The following IGSF8 variants were observed in gnomAD, a reference collection of about 807,000 sequenced individuals.
IGSF8 encodes the protein immunoglobulin superfamily member 8, also known as CD81 partner 3.
A neutral mutation model predicts 55.5 loss-of-function variants in IGSF8; 46 were observed. The observed-to-expected ratio is 0.83, with a 90% CI of 0.65 to 1.06. The LOEUF is 1.06. IGSF8 is among the 50% of genes least tolerant of loss of function. IGSF8 has a pLI of 0.00. For synonymous variants in IGSF8, 314 were observed against 356.1 expected, an observed-to-expected ratio of 0.88 and a Z score of 1.33; for missense variants, 731 against 832.3, an observed-to-expected ratio of 0.88 and a Z score of 1.50.
At chr1:160,095,954 G>C (rs531842403) in intron 1 of IGSF8, among the ~76,000 whole-genome samples, 18 of 152,196 alleles carry the variant, frequency 1.2e-4, no homozygotes, top group African/African-American at 4.3e-4. Context: ...CCAACCTTCC[G>C]GGCTAGCCCA....
intron 5 of IGSF8, 111 bp downstream of exon 5, chr1:160,092,171 T>C (rs1650006820): frequency 8.3e-7 from 1 of 1,205,510 alleles, no homozygotes; most frequent in Non-Finnish European, 1.2e-6. Context: ...TCATGTGACA[T>C]AATGTGGAGG....
At chr1:160,098,260 G>T in intron 1 of IGSF8, 149 bp downstream of exon 1, 1 of 1,208,482 alleles carries the variant, frequency 8.3e-7, no homozygotes, top group Non-Finnish European at 1.1e-6. Context: ...TCGGCGGACA[G>T]CCACAAAGCG....
Position 160,093,860 on chromosome 1 carries a change from G to A in IGSF8, c.754C>T (p.Arg252Trp), listed in dbSNP as rs761275618. The A allele has an allele frequency of 3.2e-5, 52 of 1,614,056 alleles. No homozygotes were observed. The highest frequency in any genetic ancestry group is 1.6e-4 in the Middle Eastern group (1 of 6,084). ...ELRLGKEGTD[R>W]YRMVVGGAQA... is the part of the protein sequence containing the mutation. The stretch of plus-strand genomic sequence containing the variant: ...GCACCCCCTACTACCATGCGGTACC[G>A]ATCGGTCCCTTCCTTGCCCAGACGA... Residue 252 changes from arginine to tryptophan, a missense_variant, in exon 3 of 7, where the codon CGG (arginine) becomes TGG (tryptophan). Coordinates refer to ENST00000314485, the MANE Select transcript of IGSF8 (RefSeq NM_052868.6).
rs780311723 is a variant in IGSF8 at position 160,093,198 on chromosome 1, C to T, written c.1038G>A (p.Glu346=). The T allele has an allele frequency of 3.1e-6, 5 of 1,613,952 alleles. No homozygotes were observed. The highest frequency in any genetic ancestry group is 3.4e-6 in the Non-Finnish European group (4 of 1,179,904). ...GRHAAYSVGW[E]MAPAGAPGPG... The stretch of plus-strand genomic sequence containing the variant: ...GCCCAGGTGCCCCCGCAGGTGCCAT[C>T]TCCCAACCTACAGAGTATGCAGCAT... Residue 346 remains glutamate, a synonymous_variant, in exon 4 of 7, where the codon GAG becomes GAA. Coordinates refer to ENST00000314485, the MANE Select transcript of IGSF8 (RefSeq NM_052868.6).
chr1:160,095,090 G>C lies in IGSF8; in HGVS notation c.221C>G (p.Thr74Ser). The change falls in exon 2 of 7, where the codon ACT becomes AGT. Residue 74 changes from threonine (T) to serine (S), a missense_variant. Transcript: ENST00000314485. ...CTTGGTACTGACAATGCCCAGTGCA[G>C]TATCTGGGGCCTCGGGCCTATACAG... Reference protein sequence around the residue: ...WFLYRPEAPDTALGIVSTKDT... With the variant: ...WFLYRPEAPDSALGIVSTKDT... The C allele has an allele frequency of 6.2e-7, 1 of 1,614,144 alleles. No individual in the cohort carries two copies. Among genetic ancestry groups the C allele is most frequent in the Non-Finnish European group, 8.5e-7 (1 of 1,180,014 alleles).
In IGSF8 at chr1:160,091,618, G is replaced by A; in HGVS notation, c.*16-10C>T. On this transcript the variant is annotated splice_polypyrimidine_tract_variant and intron_variant, in intron 6 of 6. Coordinates refer to ENST00000314485, the MANE Select transcript of IGSF8 (RefSeq NM_052868.6). Reference sequence around the variant, plus strand: ...TCGACACCTGCAAGACCTGAAAAGGGTGCCCGGTGTGGGCTAAGGACAGAG... The same window carrying A: ...TCGACACCTGCAAGACCTGAAAAGGATGCCCGGTGTGGGCTAAGGACAGAG... The A allele has an allele frequency of 3.4e-6, 2 of 581,220 alleles. No homozygotes were observed. The highest frequency in any genetic ancestry group is 2.1e-5 in the South Asian group (1 of 48,616). 36.0% of individuals were successfully genotyped at this position (581,220 alleles called of 1,614,324 possible).
At position 160,093,302 on chromosome 1, in the gene IGSF8, C is replaced by T. The variant is rs1650145812; in HGVS notation, c.934G>A (p.Gly312Ser). 3 of 1,597,576 alleles carry T rather than the reference C, an allele frequency of 1.9e-6. No homozygotes were observed. Among genetic ancestry groups the T allele is most frequent in the Admixed American group, 1.7e-5 (1 of 59,492 alleles). ...TCCCCTGGGCCGATCCGACGTTCAC[C>T]AGGCCCCACTGTCACTGCCAGCTGG... Reference protein sequence around the residue: ...SSQLAVTVGPGERRIGPGEPL... With the variant: ...SSQLAVTVGPSERRIGPGEPL... The change falls in exon 4 of 7, where the codon GGT becomes AGT. Residue 312 changes from glycine to serine, a missense_variant. Transcript: ENST00000314485.
intron 1 of IGSF8, among the ~76,000 whole-genome samples, chr1:160,095,978 G>T (rs1413207629): frequency 1.3e-5 from 2 of 152,200 alleles, no homozygotes; most frequent in East Asian, 3.8e-4. Context: ...GATACAGAAG[G>T]TGCCTGCCCC....
chr1:160,094,121 G>T lies in IGSF8; in HGVS notation c.493C>A (p.Arg165Ser), dbSNP rs147326210. 3 of 1,608,002 alleles carry T rather than the reference G, an allele frequency of 1.9e-6. No homozygotes were observed. The Admixed American group carries it at 5.0e-5, about 27-fold the overall frequency. ...CGTGGGGGTGAGGTTGGGGCCTGGCGGCCTCGGGGCCCTGGGGGGGCAGCA... is the reference window on the plus strand; with the variant it reads ...CGTGGGGGTGAGGTTGGGGCCTGGCTGCCTCGGGGCCCTGGGGGGGCAGCA... Reference protein sequence around the residue: ...VSAAPPGPRGRQAPTSPPRMT... With the variant: ...VSAAPPGPRGSQAPTSPPRMT... Residue 165 changes from arginine (R) to serine (S), a missense_variant, in exon 3 of 7, where the codon CGC becomes AGC. Physicochemically the swap from Arg to Ser is moderately radical, Grantham distance 110. Transcript: ENST00000314485. This position sits in a 1 kb window ranked among gnomAD's most constrained non-coding sequence, Gnocchi z 4.0.
intron 6 of IGSF8, 34 bp downstream of exon 6, chr1:160,091,774 A>G (rs200919812): frequency 5.7e-4 from 804 of 1,408,338 alleles, no homozygotes; most frequent in East Asian, 8.7e-4. Context: ...GGGAAGCCCA[A>G]TGAAAACAAG....
intron 1 of IGSF8, among the ~76,000 whole-genome samples, 193 bp downstream of exon 1, chr1:160,098,216 G>C (rs1478576425): frequency 1.3e-5 from 2 of 152,232 alleles, no homozygotes; most frequent in East Asian, 1.9e-4. Context: ...CCCTGGCTTA[G>C]AGCTGGGGAG....
At position 160,098,520 on chromosome 1, in the gene IGSF8, G is replaced by C. The variant is rs772436480; in HGVS notation, c.-48C>G. On this transcript the variant is annotated 5_prime_UTR_variant, in exon 1 of 7. Coordinates refer to ENST00000314485, the MANE Select transcript of IGSF8 (RefSeq NM_052868.6). The stretch of plus-strand genomic sequence containing the variant: ...GGCTCCGGGGGATGGCGCGGGTTCT[G>C]GGGGGCCGGAAGGGTGGGGGGCGCA... 111 of 1,446,378 alleles carry C rather than the reference G, an allele frequency of 7.7e-5. No homozygotes were observed. In the South Asian group the frequency reaches 1.4e-3, roughly 18 times the overall value. The allele number at this position is 1,446,378 out of a possible 1,614,324, so 89.6% of individuals were successfully genotyped here.
chr1:160,098,680 TCGCCCCGGCC>T (rs1650628536), upstream of IGSF8: 2 of 513,650 alleles, frequency 3.9e-6, no homozygotes, highest in Admixed American at 3.8e-5. Flanking sequence ...GAAACCATTC[TCGCCCCGGCC>T]CGCCCCGGCA....
intron 1 of IGSF8, among the ~76,000 whole-genome samples, chr1:160,095,774 G>A (rs1190156490): frequency 6.6e-6 from 1 of 152,218 alleles, no homozygotes; most frequent in Non-Finnish European, 1.5e-5. Flanking sequence ...GCTGGAAAGG[G>A]CACAGGCCCA....
intron 1 of IGSF8, among the ~76,000 whole-genome samples, chr1:160,097,423 G>A (rs1490057323): frequency 6.6e-6 from 1 of 152,148 alleles, no homozygotes; most frequent in Non-Finnish European, 1.5e-5. Flanking sequence ...TTTGCTTGGT[G>A]CCACTGTGGA....
In IGSF8 at chr1:160,093,960, T is replaced by C; in HGVS notation, c.654A>G (p.Glu218=). 6 of 1,614,258 alleles carry C rather than the reference T, an allele frequency of 3.7e-6. No individual in the cohort carries two copies. Among genetic ancestry groups the C allele is most frequent in the Non-Finnish European group, 5.1e-6 (6 of 1,180,040 alleles). ...EAPVGRSTLQ[E]VVGIRSDLAV... ...CCAAGTCTGACCGGATTCCCACCAC[T>C]TCCTGCAGAGTTGACCGCCCAACTG... The change falls in exon 3 of 7, where the codon GAA becomes GAG. Residue 218 remains glutamate, a synonymous_variant. Coordinates refer to ENST00000314485, the MANE Select transcript of IGSF8 (RefSeq NM_052868.6).
In IGSF8 at chr1:160,092,960, G is replaced by A. The variant is rs142743789; in HGVS notation, c.1276C>T (p.Arg426Cys). Residue 426 changes from arginine to cysteine, a missense_variant, in exon 4 of 7, where the codon CGT (arginine) becomes TGT (cysteine). Physicochemically the swap from Arg to Cys is radical, Grantham distance 180 (BLOSUM62 -3). Coordinates refer to ENST00000314485, the MANE Select transcript of IGSF8 (RefSeq NM_052868.6). ...ACATGTACAGGGAGAGGCCGGGAAC[G>A]GGCACTGGCTGCTTCACGAAGCCGG... ...GTRLREAASA[R>C]SRPLPVHVRE... 23 of 1,608,170 alleles carry A rather than the reference G, an allele frequency of 1.4e-5. No homozygotes were observed. Among genetic ancestry groups the A allele is most frequent in the African/African-American group, 1.2e-4 (9 of 74,806 alleles).
intron 3 of IGSF8, 103 bp downstream of exon 3, chr1:160,093,607 C>G: frequency 1.0e-6 from 1 of 984,288 alleles, no homozygotes; most frequent in Non-Finnish European, 1.5e-6. Flanking sequence ...AGATGAGTTC[C>G]TTGGAGTCAG....
In IGSF8 at chr1:160,092,292, G is replaced by C; in HGVS notation, c.1716C>G (p.Pro572=). The change falls in exon 5 of 7, where the codon CCC becomes CCG. Residue 572 remains proline (P), a synonymous_variant. Transcript: ENST00000314485. ...SARSGPVTVY[P]YMHALDTLFV... ...GGGGGTGTCACTCACCATGCATGTA[G>C]GGGTAGACTGTAACAGGCCCTGAGC... The C allele has an allele frequency of 6.2e-7, 1 of 1,614,068 alleles. No individual in the cohort carries two copies. The highest frequency in any genetic ancestry group is 8.5e-7 in the Non-Finnish European group (1 of 1,179,924).
Sources: gnomAD v4.1 joint callset for allele counts (sites outside exome capture counted in the v4.1 genomes callset) on GRCh38, gnomAD v4.1.1 for gene constraint, Gnocchi (gnomAD v3.1) non-coding constraint, MANE v1.5 for transcripts, NCBI Gene and HGNC (gene_info 2026-07-23, HGNC 2026-07-21) for gene names.